PDCD10: variants seen among roughly 807,000 people sequenced by gnomAD.
The protein encoded by PDCD10 is programmed cell death 10.
Under a neutral mutation model 29.2 loss-of-function variants are expected in PDCD10, and 4 were observed. The observed-to-expected ratio is 0.14, with a 90% confidence interval of 0.07 to 0.31. The LOEUF (loss-of-function observed/expected upper bound fraction) is 0.31. Among genes scored for constraint, PDCD10 ranks in the 10% least tolerant of loss-of-function variants. PDCD10 has a pLI of 1.00. For missense variants in PDCD10, 183 were observed against 257.9 expected (o/e 0.71, Z 1.99); for synonymous variants, 70 against 82.2 (o/e 0.85, Z 0.80).
chr3:167,724,202 A>C (rs1178193785), intron 2 of PDCD10, among the ~76,000 whole-genome samples: 1 of 152,210 alleles, frequency 6.6e-6, no homozygotes, highest in Non-Finnish European at 1.5e-5. Context: ...AAAGGAGAGG[A>C]ACAACAGAAG....
At chr3:167,696,554 TA>T (rs950942364) in intron 5 of PDCD10, among the ~76,000 whole-genome samples, 4 of 151,926 alleles carry the variant, frequency 2.6e-5, no homozygotes, top group African/African-American at 9.7e-5. Context: ...TAATTTCAAG[TA>T]AAAAAAATAA....
At chr3:167,699,082 C>G (rs552138121) in intron 4 of PDCD10, among the ~76,000 whole-genome samples, 1 of 152,302 alleles carries the variant, frequency 6.6e-6, no homozygotes, top group South Asian at 2.1e-4. Flanking sequence ...TTACTCTGTT[C>G]TTAAATAACT....
intron 2 of PDCD10, among the ~76,000 whole-genome samples, chr3:167,721,580 G>A (rs182842662): frequency 1.3e-4 from 20 of 152,276 alleles, no homozygotes; most frequent in Non-Finnish European, 2.4e-4. Context: ...CTGCAGTGAC[G>A]CTTCAAAAAG....
At chr3:167,707,477 G>C (rs761450516) in intron 3 of PDCD10, among the ~76,000 whole-genome samples, 4 of 152,012 alleles carry the variant, frequency 2.6e-5, no homozygotes, top group Non-Finnish European at 4.4e-5. Flanking sequence ...AGGAGATCGA[G>C]ACCATCCTGG....
At chr3:167,698,351 C>T (rs2108414469) in intron 4 of PDCD10, among the ~76,000 whole-genome samples, 1 of 152,072 alleles carries the variant, frequency 6.6e-6, no homozygotes. Flanking sequence ...TTGACTTTTC[C>T]TTCCATGGAT....
At position 167,734,669 on chromosome 3, in the gene PDCD10, G is replaced by A. The variant is rs190380426; in HGVS notation, c.-261C>T. On this transcript the variant is annotated 5_prime_UTR_variant, in exon 1 of 9. Coordinates refer to ENST00000392750, the MANE Select transcript of PDCD10 (RefSeq NM_007217.4). ...TAGGGTAACCTCGCTTACGCCCGTA[G>A]GGCCCCGCTCTCAGCCCCGTCCGCT... The A allele has an allele frequency of 1.3e-5, 2 of 153,656 alleles. No homozygotes were observed. The highest frequency in any genetic ancestry group is 2.4e-5 in the African/African-American group (1 of 41,602). 9.5% of individuals were successfully genotyped at this position (153,656 alleles called of 1,614,324 possible). A position where few individuals can be genotyped will look rare whatever the true frequency, so the allele number is the denominator to read the frequency against.
At chr3:167,688,422 G>C (rs1355923774) in intron 6 of PDCD10, among the ~76,000 whole-genome samples, 1 of 151,844 alleles carries the variant, frequency 6.6e-6, no homozygotes, top group Non-Finnish European at 1.5e-5. Context: ...ATCATCCTTT[G>C]ACTATATATG....
intron 2 of PDCD10, among the ~76,000 whole-genome samples, chr3:167,725,808 T>C (rs935817488): frequency 9.5e-6 from 1 of 105,264 alleles, no homozygotes; most frequent in Non-Finnish European, 2.0e-5. Flanking sequence ...TATATATATA[T>C]ATATGCTTTA....
At chr3:167,734,470 A>G (rs1056601974) in intron 1 of PDCD10, 120 bp from the exon 2 acceptor site, 7 of 152,450 alleles carry the variant, frequency 4.6e-5, no homozygotes, top group African/African-American at 1.7e-4. Context: ...TCTCGGTCCG[A>G]AGCCACACCT....
rs564019964 is a variant in PDCD10 at position 167,685,332 on chromosome 3, C to T, written c.558-943G>A. ...GGCTGAGGCAGGAGAATTGCTTGAA[C>T]CCAGGAGCTGGAGGTCGCAGTGAGC... On this transcript the variant is annotated intron_variant, in intron 8 of 8. Coordinates refer to ENST00000392750, the MANE Select transcript of PDCD10 (RefSeq NM_007217.4). Among the ~76,000 whole-genome samples the T allele has an allele frequency of 6.7e-5, 10 of 148,760 alleles. No individual in the cohort carries two copies. In the East Asian group the frequency reaches 1.6e-3, roughly 24 times the overall value.
At chr3:167,714,665 AC>A (rs1273433246) in intron 3 of PDCD10, among the ~76,000 whole-genome samples, 4 of 152,134 alleles carry the variant, frequency 2.6e-5, no homozygotes, top group South Asian at 2.1e-4. Context: ...TCTGAAAAAA[AC>A]ATTTAAAAAA....
chr3:167,710,770 A>G (rs1722446726), intron 3 of PDCD10, among the ~76,000 whole-genome samples: 2 of 152,230 alleles, frequency 1.3e-5, no homozygotes, highest in African/African-American at 2.4e-5. Context: ...TGCTAGCTTT[A>G]GGTCTGACCC....
intron 2 of PDCD10, among the ~76,000 whole-genome samples, chr3:167,729,271 G>A (rs541952869): frequency 6.6e-6 from 1 of 152,244 alleles, no homozygotes; most frequent in South Asian, 2.1e-4. Context: ...CTGTGTTGAA[G>A]TTGTTAGTCT....
chr3:167,686,157 T>G (rs1719603347), intron 8 of PDCD10, among the ~76,000 whole-genome samples: 1 of 152,182 alleles, frequency 6.6e-6, no homozygotes, highest in Admixed American at 6.5e-5. Flanking sequence ...TTCAAAAAAT[T>G]CTCACATTTG....
intron 8 of PDCD10, among the ~76,000 whole-genome samples, chr3:167,686,220 A>G (rs1243346155): frequency 6.6e-6 from 1 of 152,248 alleles, no homozygotes; most frequent in Admixed American, 6.5e-5. Context: ...CAGTTTATAC[A>G]TTATACGTAT....
chr3:167,698,750 C>T (rs531623255), intron 4 of PDCD10, among the ~76,000 whole-genome samples: 1 of 81,062 alleles, frequency 1.2e-5, no homozygotes, highest in South Asian at 2.5e-4. Flanking sequence ...GGAACATTCT[C>T]TATGTGCTTG....
chr3:167,695,045 C>G (rs1720659166), intron 6 of PDCD10, among the ~76,000 whole-genome samples: 1 of 152,194 alleles, frequency 6.6e-6, no homozygotes, highest in East Asian at 1.9e-4. Context: ...TCACTGTACT[C>G]CAGAAGAGTG....
rs1022111817 is a variant in PDCD10, at chr3:167,692,440, T to G, written c.395+3156A>C. ...GGTCAGACGTGGAATTTTCCACTTA[T>G]GGTGTCATGTCACGGTGCTCAAAAA... On this transcript the variant is annotated intron_variant, in intron 6 of 8. Coordinates refer to ENST00000392750, the MANE Select transcript of PDCD10 (RefSeq NM_007217.4). 2.6e-5 allele frequency among the ~76,000 whole-genome samples: 4 copies of G among 152,238 alleles called. No homozygotes were observed. The South Asian group carries it at 8.3e-4, about 31-fold the overall frequency.
intron 2 of PDCD10, among the ~76,000 whole-genome samples, chr3:167,729,599 G>A (rs1008798278): frequency 2.0e-5 from 3 of 152,102 alleles, no homozygotes; most frequent in African/African-American, 7.2e-5. Context: ...CTACCTCGAA[G>A]GGTTGTCGTA....
Sources: allele counts gnomAD v4.1 joint callset (sites outside exome capture counted in the v4.1 genomes callset), GRCh38; gene constraint gnomAD v4.1.1; transcripts MANE v1.5; gene names NCBI Gene and HGNC (gene_info 2026-07-23, HGNC 2026-07-21).